Variants in SLC8A1 observed in about 807,000 individuals in gnomAD.
The protein encoded by SLC8A1 is solute carrier family 8 member A1.
Under a neutral mutation model 68.3 loss-of-function variants are expected in SLC8A1, and 18 were observed. The ratio of observed to expected loss-of-function variants is 0.26; its 90% CI spans 0.18 to 0.39. SLC8A1 has a LOEUF of 0.39. Ranked by LOEUF, SLC8A1 falls within the 10% of genes least tolerant of loss-of-function variation. The pLI, the probability that SLC8A1 is intolerant of heterozygous loss-of-function variation, is 1.00. For missense variants in SLC8A1, 985 were observed against 1,156.7 expected (o/e 0.85, Z 2.15); for synonymous variants, 475 against 415.5 (o/e 1.14, Z -1.74).
At chr2:40,429,079 G>C (rs146444558) in exon 2 of SLC8A1, 1 of 1,612,302 alleles carries the variant, frequency 6.2e-7, no homozygotes. Flanking sequence ...GTCATTTTCA[G>C]TCACTTCAGT....
intron 2 of SLC8A1, among the ~76,000 whole-genome samples, chr2:40,378,006 T>C (rs1339620459): frequency 1.3e-5 from 2 of 152,158 alleles, no homozygotes; most frequent in Non-Finnish European, 2.9e-5. Flanking sequence ...TCCTGTACTC[T>C]TTGTCATCCA....
chr2:40,478,330 C>T (rs1432060671), intron 1 of SLC8A1, among the ~76,000 whole-genome samples: 1 of 152,138 alleles, frequency 6.6e-6, no homozygotes, highest in Non-Finnish European at 1.5e-5. Flanking sequence ...GTTATTTGAG[C>T]CTTAATTAGC....
At chr2:40,420,927 C>T (rs1024626428) in intron 2 of SLC8A1, among the ~76,000 whole-genome samples, 1 of 152,166 alleles carries the variant, frequency 6.6e-6, no homozygotes, top group African/African-American at 2.4e-5. Flanking sequence ...AAAGTTAAAT[C>T]TCTAAGCTTC....
intron 2 of SLC8A1, among the ~76,000 whole-genome samples, chr2:40,206,960 A>G (rs2055572692): frequency 6.6e-6 from 1 of 152,096 alleles, no homozygotes; most frequent in Non-Finnish European, 1.5e-5. Flanking sequence ...AATACAGAAA[A>G]GCTGGATTCT....
At chr2:40,106,303 C>G (rs747809377) in exon 8 of SLC8A1, 1 of 152,114 alleles carries the variant, frequency 6.6e-6, no homozygotes, top group African/African-American at 2.4e-5. Context: ...CTTTGGGAAG[C>G]CAGGGCAGGC....
chr2:40,325,065 T>C (rs2075653034), intron 2 of SLC8A1, among the ~76,000 whole-genome samples: 1 of 152,078 alleles, frequency 6.6e-6, no homozygotes, highest in African/African-American at 2.4e-5. Context: ...AATGATCCAA[T>C]TTATTTATGT....
chr2:40,418,217 TTTTA>T (rs780564543), intron 2 of SLC8A1, among the ~76,000 whole-genome samples: 37 of 152,136 alleles, frequency 2.4e-4, no homozygotes, highest in African/African-American at 8.0e-4. Flanking sequence ...CTTTACATTA[TTTTA>T]TTTGTTTTAT....
At chr2:40,100,248 C>G (rs1046377056) in exon 8 of SLC8A1, 5 of 151,968 alleles carry the variant, frequency 3.3e-5, no homozygotes, top group African/African-American at 1.2e-4. Context: ...TTTTCTTAAG[C>G]TAAGAGAAAA....
intron 2 of SLC8A1, among the ~76,000 whole-genome samples, chr2:40,397,459 G>C (rs1687350016): frequency 6.6e-6 from 1 of 152,200 alleles, no homozygotes; most frequent in African/African-American, 2.4e-5. Context: ...AGGAATTGCT[G>C]CAAATCCATT....
chr2:40,286,910 G>T (rs961248867), intron 2 of SLC8A1, among the ~76,000 whole-genome samples: 5 of 152,202 alleles, frequency 3.3e-5, no homozygotes, highest in African/African-American at 9.6e-5. Context: ...TCAAGTGAAA[G>T]ATGATGCAAC....
chr2:40,412,443 G>C (rs985224334), intron 2 of SLC8A1, among the ~76,000 whole-genome samples: 1 of 152,048 alleles, frequency 6.6e-6, no homozygotes, highest in Non-Finnish European at 1.5e-5. Flanking sequence ...TTAAAAGCTG[G>C]AAATAACTAG....
At chr2:40,350,507 G>T (rs1026042964) in intron 2 of SLC8A1, among the ~76,000 whole-genome samples, 4 of 135,262 alleles carry the variant, frequency 3.0e-5, no homozygotes, top group Non-Finnish European at 3.1e-5. Context: ...TTATCAAATG[G>T]CATTTATCAA....
At chr2:40,278,706 G>A (rs2149174767) in intron 2 of SLC8A1, among the ~76,000 whole-genome samples, 1 of 152,130 alleles carries the variant, frequency 6.6e-6, no homozygotes, top group Non-Finnish European at 1.5e-5. Context: ...TGGGGTACGT[G>A]GACTTAGGAC....
chr2:40,144,341 C>A (rs368072946), intron 6 of SLC8A1, among the ~76,000 whole-genome samples: 5 of 152,012 alleles, frequency 3.3e-5, no homozygotes, highest in African/African-American at 1.2e-4. Context: ...ATTATTAATC[C>A]CATTATACAT....
At chr2:40,342,810 A>G (rs1270266606) in intron 2 of SLC8A1, among the ~76,000 whole-genome samples, 1 of 152,172 alleles carries the variant, frequency 6.6e-6, no homozygotes, top group African/African-American at 2.4e-5. Flanking sequence ...GGTTGTTACT[A>G]AACAGATCAC....
At chr2:40,140,252 CA>C (rs2041294235) in intron 6 of SLC8A1, among the ~76,000 whole-genome samples, 1 of 152,102 alleles carries the variant, frequency 6.6e-6, no homozygotes, top group Admixed American at 6.5e-5. Flanking sequence ...AATTATATGC[CA>C]AAAAATGAAA....
At chr2:40,316,698 G>A (rs1328244079) in intron 2 of SLC8A1, among the ~76,000 whole-genome samples, 2 of 151,920 alleles carry the variant, frequency 1.3e-5, no homozygotes, top group African/African-American at 4.8e-5. Context: ...TCTTCTCTGA[G>A]CTTATTTCCT....
intron 1 of SLC8A1, among the ~76,000 whole-genome samples, chr2:40,489,998 T>C (rs114436368): frequency 1.0e-3 from 157 of 152,262 alleles, no homozygotes; most frequent in African/African-American, 3.5e-3. Flanking sequence ...ATTGTGTCAC[T>C]AAATCTGTGT....
chr2:40,255,309 C>G (rs2063731297), intron 2 of SLC8A1: 1 of 152,152 alleles, frequency 6.6e-6, no homozygotes, highest in Non-Finnish European at 1.5e-5. Context: ...AGAAAACCAG[C>G]TGGAGATGCA....
Sources: allele counts gnomAD v4.1 joint callset (sites outside exome capture counted in the v4.1 genomes callset), GRCh38; gene constraint gnomAD v4.1.1; transcripts MANE v1.5; gene names NCBI Gene and HGNC (gene_info 2026-07-23, HGNC 2026-07-21).